OSTM1: variants seen among roughly 807,000 people sequenced by gnomAD.
OSTM1 encodes the protein osteoclastogenesis associated transmembrane protein 1.
A neutral mutation model predicts 35.4 loss-of-function variants in OSTM1; 26 were observed. The observed-to-expected ratio is 0.73, with a 90% CI of 0.54 to 1.02. The LOEUF (loss-of-function observed/expected upper bound fraction) is 1.02, where lower values mean the gene tolerates loss of function less well. OSTM1 is among the 50% of genes least tolerant of loss of function. The pLI, the probability that OSTM1 is intolerant of heterozygous loss-of-function variation, is 0.00. For missense variants in OSTM1, 366 were observed against 409.6 expected (o/e 0.89, Z 0.92); for synonymous variants, 181 against 165.0 (o/e 1.10, Z -0.75).
At chr6:108,050,965 A>C (rs1255893687) in intron 4 of OSTM1, 66 bp downstream of exon 4, 3 of 1,297,530 alleles carry the variant, frequency 2.3e-6, no homozygotes, top group Non-Finnish European at 3.4e-6. Flanking sequence ...CAAAAATAAT[A>C]ATCATACTGA....
intron 5 of OSTM1, among the ~76,000 whole-genome samples, chr6:108,048,934 G>A (rs1416600309): frequency 6.6e-6 from 1 of 151,788 alleles, no homozygotes; most frequent in African/African-American, 2.4e-5. Flanking sequence ...TGCATTTTTA[G>A]TAGAGATGGG....
At position 108,045,313 on chromosome 6, in the gene OSTM1, A is replaced by AT. The variant is rs149219291; in HGVS notation, c.950-474dup. ...ATGCTTAACTGTGAAAGACTGAATG[A>AT]TTTTTCCCCCTAAGATCTGGAATAA... On this transcript the variant is annotated intron_variant, in intron 5 of 5. Transcript: ENST00000193322. 5.7e-4 allele frequency among the ~76,000 whole-genome samples: 87 copies of AT among 152,176 alleles called. 2 individuals are homozygous for AT. The East Asian group carries it at 0.015, about 27-fold the overall frequency.
chr6:108,052,164 A>G (rs1183494560), intron 3 of OSTM1, among the ~76,000 whole-genome samples: 2 of 152,086 alleles, frequency 1.3e-5, no homozygotes, highest in Admixed American at 6.6e-5. Context: ...GCTGGGCGCG[A>G]TGGTTCACAC....
chr6:108,064,452 T>C lies in OSTM1; in HGVS notation c.403-153A>G, dbSNP rs1196010697. Among the ~76,000 whole-genome samples the C allele has an allele frequency of 2.0e-5, 3 of 151,204 alleles. No individual in the cohort carries two copies. In the East Asian group the frequency reaches 5.8e-4, roughly 29 times the overall value. On this transcript the variant is annotated intron_variant, in intron 1 of 5. Transcript: ENST00000193322. ...ATGTTAACATTAATAAAAACAATGA[T>C]AATAAAGTAATTAGCAGCTAACATT...
chr6:108,072,586 T>C (rs1772503565), intron 1 of OSTM1, among the ~76,000 whole-genome samples: 4 of 148,500 alleles, frequency 2.7e-5, no homozygotes. Context: ...TGAGCCGAGA[T>C]GACACCACTG....
chr6:108,074,016 A>T (rs1249675989), intron 1 of OSTM1, among the ~76,000 whole-genome samples: 1 of 152,060 alleles, frequency 6.6e-6, no homozygotes, highest in African/African-American at 2.4e-5. Flanking sequence ...CCCCAAGAAA[A>T]CCAATCACAC....
chr6:108,052,511 C>CTTTTTTTT (rs35984071), intron 3 of OSTM1, among the ~76,000 whole-genome samples: 5 of 108,126 alleles, frequency 4.6e-5, no homozygotes, highest in African/African-American at 1.5e-4. Flanking sequence ...GTAATTTAAC[C>CTTTTTTTT]TTTTTTTTTT....
At chr6:108,063,480 T>C (rs1772321992) in intron 2 of OSTM1, among the ~76,000 whole-genome samples, 2 of 152,370 alleles carry the variant, frequency 1.3e-5, no homozygotes, top group African/African-American at 4.8e-5. Context: ...TAGGCTGTAT[T>C]TGTAAATATA....
intron 2 of OSTM1, among the ~76,000 whole-genome samples, chr6:108,058,928 A>G (rs1443014658): frequency 6.6e-6 from 1 of 152,238 alleles, no homozygotes; most frequent in Non-Finnish European, 1.5e-5. Flanking sequence ...GGGATTACAC[A>G]GTGGTTCAAC....
intron 4 of OSTM1, chr6:108,049,682 T>C (rs781077786): frequency 3.4e-5 from 17 of 504,492 alleles, no homozygotes; most frequent in Non-Finnish European, 5.3e-5. Context: ...ATGTCAACCA[T>C]TTGTACATTC....
At chr6:108,072,667 A>C (rs909398136) in intron 1 of OSTM1, among the ~76,000 whole-genome samples, 3 of 151,662 alleles carry the variant, frequency 2.0e-5, no homozygotes, top group African/African-American at 2.4e-5. Context: ...AAAAAAAAAA[A>C]CATGCTCTTT....
Position 108,054,479 on chromosome 6 carries a change from A to G in OSTM1, c.615+11T>C, listed in dbSNP as rs774452449. On this transcript the variant is annotated intron_variant, in intron 3 of 5. Coordinates refer to ENST00000193322, the MANE Select transcript of OSTM1 (RefSeq NM_014028.4). The stretch of plus-strand genomic sequence containing the variant: ...GCAGCATTTTAATTTTAAATATTAT[A>G]TATAAAATACCTGAAGGTTATGTTC... 1 of 1,239,266 alleles carries G rather than the reference A, an allele frequency of 8.1e-7. No homozygotes were observed. Among genetic ancestry groups the G allele is most frequent in the Non-Finnish European group, 1.2e-6 (1 of 850,364 alleles). The allele number at this position is 1,239,266 out of a possible 1,614,324, so 76.8% of individuals were successfully genotyped here.
At chr6:108,051,418 C>A (rs935662333) in intron 3 of OSTM1, among the ~76,000 whole-genome samples, 2 of 152,082 alleles carry the variant, frequency 1.3e-5, no homozygotes, top group Non-Finnish European at 1.5e-5. Flanking sequence ...GGATTAGAGA[C>A]CCGGTATGTG....
chr6:108,065,878 T>G (rs185893292), intron 1 of OSTM1, among the ~76,000 whole-genome samples: 3 of 152,322 alleles, frequency 2.0e-5, no homozygotes, highest in African/African-American at 4.8e-5. Context: ...GTATGAGTGT[T>G]CAATGTGTGG....
Position 108,041,724 on chromosome 6 carries a change from C to A in OSTM1, c.*3061G>T, listed in dbSNP as rs2114583412. On this transcript the variant is annotated 3_prime_UTR_variant, in exon 6 of 6. Coordinates refer to ENST00000193322, the MANE Select transcript of OSTM1 (RefSeq NM_014028.4). ...TATAAATAAAGAGCTCTATGATGTT[C>A]CACTTATTTAGTCTTAATAAGGTAG... 1 of 152,216 alleles carries A rather than the reference C, an allele frequency of 6.6e-6. No individual in the cohort carries two copies. The highest frequency in any genetic ancestry group is 2.4e-5 in the African/African-American group (1 of 41,528). 9.4% of individuals were successfully genotyped at this position (152,216 alleles called of 1,614,324 possible). A position where few individuals can be genotyped will look rare whatever the true frequency, so the allele number is the denominator to read the frequency against.
chr6:108,053,754 C>T (rs1205529510), intron 3 of OSTM1, among the ~76,000 whole-genome samples: 1 of 152,188 alleles, frequency 6.6e-6, no homozygotes, highest in East Asian at 1.9e-4. Flanking sequence ...GCATGAGATA[C>T]TGCACCTGGC....
intron 1 of OSTM1, among the ~76,000 whole-genome samples, chr6:108,071,460 ATTTTTTTTTTT>A (rs545759140): frequency 3.9e-5 from 4 of 103,420 alleles, no homozygotes; most frequent in South Asian, 3.4e-4. Flanking sequence ...CACCCGGCTA[ATTTTTTTTTTT>A]TTTTTTTTTT....
At chr6:108,062,052 C>A (rs1772282694) in intron 2 of OSTM1, among the ~76,000 whole-genome samples, 1 of 151,584 alleles carries the variant, frequency 6.6e-6, no homozygotes. Context: ...TAGTATAGTA[C>A]CAAACCTTCT....
intron 1 of OSTM1, among the ~76,000 whole-genome samples, chr6:108,072,501 T>C (rs1772502102): frequency 6.6e-6 from 1 of 151,952 alleles, no homozygotes; most frequent in East Asian, 2.0e-4. Flanking sequence ...GGTGTGGCAG[T>C]GCACATCTGT....
Sources: gnomAD v4.1 joint callset for allele counts (sites outside exome capture counted in the v4.1 genomes callset) on GRCh38, gnomAD v4.1.1 for gene constraint, MANE v1.5 for transcripts, NCBI Gene and HGNC (gene_info 2026-07-23, HGNC 2026-07-21) for gene names.